The following SLTM variants were observed in gnomAD, a reference collection of about 807,000 sequenced individuals.
The protein encoded by SLTM is SAFB like transcription modulator, also known as SAFB-like transcription modulator.
SLTM carries 43 observed loss-of-function variants against 134.6 expected under a neutral mutation model. That is an observed-to-expected ratio of 0.32 (90% CI 0.25 to 0.41). SLTM has a LOEUF of 0.41. Ranked by LOEUF, SLTM falls within the 10% of genes least tolerant of loss-of-function variation. The probability of loss-of-function intolerance (pLI) is 1.00; values close to 1 mark genes in which losing one functional copy is unlikely to be tolerated. For synonymous variants in SLTM, 424 were observed against 432.3 expected (o/e 0.98, Z 0.24); for missense variants, 1,055 against 1,288.8 (o/e 0.82, Z 2.78).
chr15:58,880,453 C>G (rs1291967779), intron 20 of SLTM, among the ~76,000 whole-genome samples: 1 of 152,226 alleles, frequency 6.6e-6, no homozygotes, highest in African/African-American at 2.4e-5. Context: ...GCAGCACCAG[C>G]TGGGTGCCTG....
chr15:58,920,818 G>A (rs2036989688), intron 2 of SLTM, among the ~76,000 whole-genome samples: 1 of 151,642 alleles, frequency 6.6e-6, no homozygotes, highest in African/African-American at 2.4e-5. Flanking sequence ...AGCCGGGTGT[G>A]GTGATGGGCG....
At chr15:58,919,071 A>G (rs1388164058) in intron 2 of SLTM, among the ~76,000 whole-genome samples, 1 of 151,980 alleles carries the variant, frequency 6.6e-6, no homozygotes, top group Non-Finnish European at 1.5e-5. Flanking sequence ...GCTACCATAC[A>G]TGGCTAATGT....
In SLTM at chr15:58,915,748, G is replaced by A. The variant is rs2036593615; in HGVS notation, c.315+1187C>T. On this transcript the variant is annotated intron_variant, in intron 3 of 20. Transcript: ENST00000380516. ...GCAGCGTGGAGAGTGAAGAGAGCTA[G>A]GAGGCAGGAGAGATGGGTGGGTAAA... 2.6e-5 allele frequency among the ~76,000 whole-genome samples: 4 copies of A among 152,120 alleles called. No homozygotes were observed. The South Asian group carries it at 8.3e-4, about 32-fold the overall frequency.
At chr15:58,929,646 G>C (rs1456418117) in intron 2 of SLTM, among the ~76,000 whole-genome samples, 2 of 152,120 alleles carry the variant, frequency 1.3e-5, no homozygotes, top group Non-Finnish European at 2.9e-5. Flanking sequence ...GGCTGGTCTT[G>C]AACTACTGGA....
At chr15:58,932,599 CGAAA>C (rs2037955266) in intron 1 of SLTM, among the ~76,000 whole-genome samples, 156 bp from the exon 2 acceptor site, 1 of 152,088 alleles carries the variant, frequency 6.6e-6, no homozygotes. Flanking sequence ...TTAAACTACA[CGAAA>C]GAGTGAGAGA....
intron 14 of SLTM, among the ~76,000 whole-genome samples, chr15:58,890,766 G>A (rs1035177549): frequency 6.6e-6 from 1 of 152,124 alleles, no homozygotes; most frequent in Non-Finnish European, 1.5e-5. Context: ...TGACATTTTA[G>A]AAGGATGTAA....
At chr15:58,910,714 A>C (rs1157473077) in intron 5 of SLTM, among the ~76,000 whole-genome samples, 4 of 151,146 alleles carry the variant, frequency 2.6e-5, no homozygotes, top group African/African-American at 9.7e-5. Flanking sequence ...GTACTCTCTC[A>C]ATTTGAGAGT....
At chr15:58,904,115 G>A (rs149860901) in intron 5 of SLTM, among the ~76,000 whole-genome samples, 27 of 152,142 alleles carry the variant, frequency 1.8e-4, no homozygotes, top group South Asian at 6.2e-4. Flanking sequence ...TTGATCCTCC[G>A]GCCTCGGCCT....
In SLTM at chr15:58,893,894, A is replaced by C; in HGVS notation, c.1575T>G (p.Asp525Glu). Reference sequence around the variant, plus strand: ...CACTTGCTCCATTATCATTCTTCTCATCTTTACCTTCTATTTTCTTAGTAT... The same window carrying C: ...CACTTGCTCCATTATCATTCTTCTCCTCTTTACCTTCTATTTTCTTAGTAT... The part of the protein sequence containing the change: ...SKDTKKIEGK[D>E]EKNDNGASGQ... The change falls in exon 12 of 21, where the codon GAT becomes GAG. Residue 525 changes from aspartate to glutamate, a missense_variant. Coordinates refer to ENST00000380516, the MANE Select transcript of SLTM (RefSeq NM_024755.4). 6.2e-7 allele frequency: 1 copy of C among 1,612,994 alleles called. No homozygotes were observed. Among genetic ancestry groups the C allele is most frequent in the Admixed American group, 1.7e-5 (1 of 59,884 alleles).
At chr15:58,882,839 G>A (rs879426160) in intron 20 of SLTM, among the ~76,000 whole-genome samples, 1 of 152,236 alleles carries the variant, frequency 6.6e-6, no homozygotes, top group African/African-American at 2.4e-5. Context: ...TCCGACCTCA[G>A]TGTGAAGAGA....
chr15:58,924,040 C>G (rs528496917), intron 2 of SLTM, among the ~76,000 whole-genome samples: 69 of 152,198 alleles, frequency 4.5e-4, no homozygotes, highest in Non-Finnish European at 2.4e-4. Context: ...GTCTCGAACT[C>G]CTGGCCTCAA....
At chr15:58,893,458 C>T in intron 12 of SLTM, 94 bp from the exon 13 acceptor site, 1 of 814,980 alleles carries the variant, frequency 1.2e-6, no homozygotes, top group Non-Finnish European at 1.9e-6. Context: ...TAGTCACACA[C>T]CAATACATGA....
intron 5 of SLTM, among the ~76,000 whole-genome samples, chr15:58,907,930 A>G (rs186066075): frequency 1.3e-5 from 2 of 152,204 alleles, no homozygotes; most frequent in South Asian, 2.1e-4. Flanking sequence ...GCTAATGCCT[A>G]AAGATTTTAA....
intron 2 of SLTM, among the ~76,000 whole-genome samples, chr15:58,923,016 G>A (rs114426761): frequency 1.9e-3 from 283 of 152,116 alleles, no homozygotes; most frequent in African/African-American, 6.2e-3. Flanking sequence ...GCACCTAGCC[G>A]CATTATATAT....
intron 1 of SLTM, 26 bp from the exon 2 acceptor site, chr15:58,932,469 G>A (rs540272320): frequency 4.1e-6 from 6 of 1,472,308 alleles, no homozygotes; most frequent in South Asian, 3.4e-5. Context: ...AAGTTAATAT[G>A]CTACACAATC....
Position 58,879,981 on chromosome 15 carries a change from T to C in SLTM, c.*18A>G, listed in dbSNP as rs754919632. ...GATTTCAATAAATTATCTTAAAACC[T>C]TGGCAGAGAGCTCATTTTCAGAATC... On this transcript the variant is annotated 3_prime_UTR_variant, in exon 21 of 21. Transcript: ENST00000380516. 8 of 1,612,380 alleles carry C rather than the reference T, an allele frequency of 5.0e-6. No individual in the cohort carries two copies. The Admixed American group carries it at 1.3e-4, about 27-fold the overall frequency.
At chr15:58,926,798 G>A (rs2037503132) in intron 2 of SLTM, among the ~76,000 whole-genome samples, 1 of 152,026 alleles carries the variant, frequency 6.6e-6, no homozygotes, top group Admixed American at 6.6e-5. Context: ...ATTTTTAGTA[G>A]AGAGGGGGTT....
intron 5 of SLTM, among the ~76,000 whole-genome samples, chr15:58,903,544 C>G (rs12914723): frequency 0.26 from 27,018 of 102,566 alleles, 2,887 homozygotes; most frequent in South Asian, 0.48. Flanking sequence ...GTGCATCTGA[C>G]GGGGAGGGGG....
intron 5 of SLTM, among the ~76,000 whole-genome samples, chr15:58,905,754 AC>A (rs1164336818): frequency 2.0e-5 from 3 of 152,026 alleles, no homozygotes; most frequent in African/African-American, 7.2e-5. Flanking sequence ...AAAAAAAAAA[AC>A]TGTATTCTAT....
Sources: allele counts gnomAD v4.1 joint callset (sites outside exome capture counted in the v4.1 genomes callset), GRCh38; gene constraint gnomAD v4.1.1; transcripts MANE v1.5; gene names NCBI Gene and HGNC (gene_info 2026-07-23, HGNC 2026-07-21).